The following GRID2 variants were observed in gnomAD, a reference collection of about 807,000 sequenced individuals.
The protein encoded by GRID2 is glutamate receptor ionotropic, delta-2.
A neutral mutation model predicts 114.8 loss-of-function variants in GRID2; 33 were observed. The ratio of observed to expected loss-of-function variants is 0.29; its 90% CI spans 0.22 to 0.38. The LOEUF is 0.38. Among genes scored for constraint, GRID2 ranks in the 10% least tolerant of loss-of-function variants. GRID2 has a pLI of 1.00. For synonymous variants in GRID2, 505 were observed against 449.9 expected (o/e 1.12, Z -1.55); for missense variants, 1,184 against 1,257.7 (o/e 0.94, Z 0.89).
At chr4:92,372,103 G>A (rs1560592023) in intron 1 of GRID2, among the ~76,000 whole-genome samples, 1 of 152,172 alleles carries the variant, frequency 6.6e-6, no homozygotes, top group Non-Finnish European at 1.5e-5. Context: ...GAATAGATGA[G>A]GAGTTACGCA....
intron 13 of GRID2, among the ~76,000 whole-genome samples, chr4:93,581,659 A>AC (rs1352667019): frequency 6.6e-6 from 1 of 152,058 alleles, no homozygotes; most frequent in African/African-American, 2.4e-5. Context: ...TAAACCTACA[A>AC]CCTGCTAGAG....
intron 13 of GRID2, among the ~76,000 whole-genome samples, chr4:93,527,713 A>G (rs1228514633): frequency 2.0e-5 from 3 of 152,140 alleles, no homozygotes; most frequent in Non-Finnish European, 4.4e-5. Context: ...TATAAAATAC[A>G]TGTAACATAA....
chr4:93,669,809 T>A (rs551866756), intron 14 of GRID2, among the ~76,000 whole-genome samples: 1 of 152,098 alleles, frequency 6.6e-6, no homozygotes, highest in Non-Finnish European at 1.5e-5. Context: ...TTCCTCTCAC[T>A]GGGCTCCAAC....
intron 14 of GRID2, among the ~76,000 whole-genome samples, chr4:93,655,850 G>A (rs1239263248): frequency 1.3e-5 from 2 of 151,856 alleles, no homozygotes; most frequent in Non-Finnish European, 2.9e-5. Context: ...AACTCTAGAT[G>A]TACACTCAGA....
At chr4:93,185,438 C>G (rs1740310763) in intron 4 of GRID2, among the ~76,000 whole-genome samples, 1 of 152,100 alleles carries the variant, frequency 6.6e-6, no homozygotes, top group Non-Finnish European at 1.5e-5. Context: ...TTTTAATTGA[C>G]TACAGACACT....
At chr4:92,502,356 G>A (rs1723725960) in intron 1 of GRID2, among the ~76,000 whole-genome samples, 1 of 151,862 alleles carries the variant, frequency 6.6e-6, no homozygotes, top group Non-Finnish European at 1.5e-5. Flanking sequence ...GGGGCTAAAT[G>A]CAAATTTTCT....
chr4:93,656,131 GATA>G (rs143218997), intron 14 of GRID2, among the ~76,000 whole-genome samples: 64 of 151,506 alleles, frequency 4.2e-4, no homozygotes, highest in East Asian at 9.7e-4. Flanking sequence ...CATTTTATTT[GATA>G]ATAATAAAAA....
chr4:92,819,318 G>A (rs942923767), intron 2 of GRID2, among the ~76,000 whole-genome samples: 8 of 152,092 alleles, frequency 5.3e-5, no homozygotes, highest in Non-Finnish European at 1.0e-4. Context: ...GCTGAGAGAG[G>A]GGTCCTGGCA....
At chr4:92,947,242 T>C (rs1482271223) in intron 2 of GRID2, among the ~76,000 whole-genome samples, 1 of 152,030 alleles carries the variant, frequency 6.6e-6, no homozygotes, top group Non-Finnish European at 1.5e-5. Flanking sequence ...AACAATGAAA[T>C]GATTATGAAT....
chr4:93,400,769 C>T (rs543939961), intron 9 of GRID2, among the ~76,000 whole-genome samples: 59 of 152,150 alleles, frequency 3.9e-4, no homozygotes, highest in African/African-American at 1.4e-3. Context: ...ATATACATTC[C>T]TAATAAACAT....
chr4:93,730,725 A>C lies in GRID2; in HGVS notation c.2361-38485A>C, dbSNP rs555017600. 1.1e-4 allele frequency among the ~76,000 whole-genome samples: 17 copies of C among 152,348 alleles called. 1 individual carries two copies. The highest frequency in any genetic ancestry group is 4.1e-4 in the African/African-American group (17 of 41,586). ...AACGGAAAAGAGCCAGGAGTGGAAA[A>C]GTACTGAGTACTGAGTCAGAGTAGG... On this transcript the variant is annotated intron_variant, in intron 14 of 15. Coordinates refer to ENST00000282020, the MANE Select transcript of GRID2 (RefSeq NM_001510.4).
At chr4:92,858,591 A>C (rs916155384) in intron 2 of GRID2, among the ~76,000 whole-genome samples, 2 of 152,012 alleles carry the variant, frequency 1.3e-5, no homozygotes, top group African/African-American at 4.8e-5. Flanking sequence ...GGAGTCTCAC[A>C]CTTTCGCCCA....
intron 1 of GRID2, among the ~76,000 whole-genome samples, chr4:92,525,645 T>C (rs915671140): frequency 6.6e-6 from 1 of 152,070 alleles, no homozygotes; most frequent in East Asian, 1.9e-4. Context: ...CACTGGAGTC[T>C]GTAAGAGGAA....
intron 2 of GRID2, among the ~76,000 whole-genome samples, chr4:92,867,463 C>T (rs1744954173): frequency 6.6e-6 from 1 of 152,098 alleles, no homozygotes; most frequent in African/African-American, 2.4e-5. Context: ...CAGTTCCACA[C>T]ATACAAAACT....
chr4:92,645,647 C>T (rs1175493202), intron 2 of GRID2, among the ~76,000 whole-genome samples: 1 of 151,632 alleles, frequency 6.6e-6, no homozygotes, highest in South Asian at 2.1e-4. Flanking sequence ...TCCAGACAAG[C>T]CCCCATCTCC....
At chr4:92,576,505 C>T (rs1727903429) in intron 1 of GRID2, among the ~76,000 whole-genome samples, 1 of 152,102 alleles carries the variant, frequency 6.6e-6, no homozygotes, top group South Asian at 2.1e-4. Flanking sequence ...TCCCTGGATT[C>T]AGCCCCCTTC....
chr4:92,434,035 C>T (rs1732606900), intron 1 of GRID2, among the ~76,000 whole-genome samples: 1 of 152,186 alleles, frequency 6.6e-6, no homozygotes, highest in South Asian at 2.1e-4. Flanking sequence ...AAAATTGTTA[C>T]ACAATTCACG....
chr4:93,358,595 A>G (rs754929827), intron 8 of GRID2, among the ~76,000 whole-genome samples: 3 of 151,984 alleles, frequency 2.0e-5, no homozygotes, highest in Non-Finnish European at 4.4e-5. Context: ...TCTAGAAACT[A>G]ATAAGAGATT....
intron 4 of GRID2, among the ~76,000 whole-genome samples, chr4:93,191,142 G>A (rs574149577): frequency 6.6e-5 from 10 of 152,102 alleles, no homozygotes; most frequent in Admixed American, 1.3e-4. Context: ...GAAGAAGCAC[G>A]TGTTTTATTT....
Sources: gnomAD v4.1 joint callset for allele counts (sites outside exome capture counted in the v4.1 genomes callset) on GRCh38, gnomAD v4.1.1 for gene constraint, MANE v1.5 for transcripts, NCBI Gene and HGNC (gene_info 2026-07-23, HGNC 2026-07-21) for gene names.